SDC2: variants seen among roughly 807,000 people sequenced by gnomAD.
SDC2 encodes syndecan 2.
A neutral mutation model predicts 22.2 loss-of-function variants in SDC2; 13 were observed. That is an observed-to-expected ratio of 0.59 (90% CI 0.38 to 0.93). The LOEUF (loss-of-function observed/expected upper bound fraction) is 0.93. SDC2 is among the 40% of genes least tolerant of loss of function. The probability of loss-of-function intolerance (pLI) is 0.00; values close to 1 mark genes in which losing one functional copy is unlikely to be tolerated. For synonymous variants in SDC2, 94 were observed against 92.8 expected (o/e 1.01, Z -0.07); for missense variants, 235 against 246.8 (o/e 0.95, Z 0.32).
intron 3 of SDC2, 146 bp downstream of exon 3, chr8:96,602,674 G>C: frequency 1.2e-6 from 1 of 811,712 alleles, no homozygotes; most frequent in Non-Finnish European, 1.8e-6. Flanking sequence ...TCTTTTAAAA[G>C]ACCCCACTTA....
intron 1 of SDC2, among the ~76,000 whole-genome samples, chr8:96,541,976 G>GTGA (rs1235694749): frequency 6.6e-6 from 1 of 152,184 alleles, no homozygotes; most frequent in Non-Finnish European, 1.5e-5. Context: ...TGAGTTAGAG[G>GTGA]TGAGCATGTG....
chr8:96,556,047 CACACACACAT>C (rs1378030953), intron 1 of SDC2, among the ~76,000 whole-genome samples: 1 of 142,894 alleles, frequency 7.0e-6, no homozygotes, highest in Non-Finnish European at 1.5e-5. Context: ...CACACACACA[CACACACACAT>C]ACACACACAC....
intron 1 of SDC2, among the ~76,000 whole-genome samples, chr8:96,572,316 G>A (rs1006884154): frequency 2.0e-5 from 3 of 152,084 alleles, no homozygotes; most frequent in Admixed American, 2.0e-4. Context: ...AGTTTTTTTG[G>A]GCTTTGAAAC....
At chr8:96,530,030 G>C (rs927636646) in intron 1 of SDC2, among the ~76,000 whole-genome samples, 2 of 152,134 alleles carry the variant, frequency 1.3e-5, no homozygotes, top group African/African-American at 4.8e-5. Context: ...TGGCAGGGGC[G>C]GGGGGAAGTA....
intron 1 of SDC2, among the ~76,000 whole-genome samples, chr8:96,501,295 C>CTTTTTTTTTTT (rs35998270): frequency 1.8e-5 from 1 of 55,160 alleles, no homozygotes; most frequent in Non-Finnish European, 3.5e-5. Flanking sequence ...ATACGTATTT[C>CTTTTTTTTTTT]TTTTTTTTTT....
intron 1 of SDC2, among the ~76,000 whole-genome samples, chr8:96,583,944 C>T (rs1814638828): frequency 6.6e-6 from 1 of 152,050 alleles, no homozygotes; most frequent in Non-Finnish European, 1.5e-5. Context: ...GTCTTTAATG[C>T]AGTAGTAAAC....
At chr8:96,606,936 G>A (rs1815090509) in intron 3 of SDC2, among the ~76,000 whole-genome samples, 2 of 152,190 alleles carry the variant, frequency 1.3e-5, no homozygotes, top group Admixed American at 6.5e-5. Flanking sequence ...AGTAGCGGTG[G>A]CCTGTTAGGA....
intron 1 of SDC2, among the ~76,000 whole-genome samples, chr8:96,574,746 A>T (rs1042746896): frequency 6.6e-6 from 1 of 152,166 alleles, no homozygotes; most frequent in Non-Finnish European, 1.5e-5. Context: ...AATGCCTCCT[A>T]TCTTTATTTT....
chr8:96,541,102 G>A (rs1294249702), intron 1 of SDC2, among the ~76,000 whole-genome samples: 1 of 152,084 alleles, frequency 6.6e-6, no homozygotes, highest in East Asian at 1.9e-4. Flanking sequence ...ATGGATATGT[G>A]TATACATACA....
intron 4 of SDC2, among the ~76,000 whole-genome samples, chr8:96,609,135 A>G (rs1247379033): frequency 3.9e-5 from 6 of 152,224 alleles, no homozygotes; most frequent in Non-Finnish European, 8.8e-5. Context: ...AGTTAAGATC[A>G]AGGCCAGATT....
chr8:96,512,361 G>A (rs1321105085), intron 1 of SDC2, among the ~76,000 whole-genome samples: 1 of 152,188 alleles, frequency 6.6e-6, no homozygotes, highest in African/African-American at 2.4e-5. Flanking sequence ...TGTCCTGTCA[G>A]CAGTTTCAGT....
chr8:96,555,081 G>A (rs975851910), intron 1 of SDC2, among the ~76,000 whole-genome samples: 1 of 151,806 alleles, frequency 6.6e-6, no homozygotes, highest in Non-Finnish European at 1.5e-5. Context: ...CCCTCTGCTT[G>A]GAACTCTTTT....
chr8:96,546,433 CA>C (rs1268017868), intron 1 of SDC2, among the ~76,000 whole-genome samples: 1 of 152,124 alleles, frequency 6.6e-6, no homozygotes, highest in African/African-American at 2.4e-5. Flanking sequence ...AAACCCAGAA[CA>C]AATTCCTATT....
intron 1 of SDC2, among the ~76,000 whole-genome samples, chr8:96,568,400 C>T (rs943504138): frequency 6.6e-6 from 1 of 152,178 alleles, no homozygotes; most frequent in Non-Finnish European, 1.5e-5. Context: ...TCAGACATAC[C>T]AATCGACTGT....
At chr8:96,543,938 A>G (rs73273586) in intron 1 of SDC2, among the ~76,000 whole-genome samples, 202 of 152,298 alleles carry the variant, frequency 1.3e-3, no homozygotes, top group African/African-American at 4.5e-3. Flanking sequence ...TCAGCAAACA[A>G]TTTTACAGGA....
intron 1 of SDC2, among the ~76,000 whole-genome samples, chr8:96,550,904 A>G (rs550438978): frequency 1.7e-4 from 26 of 152,144 alleles, no homozygotes; most frequent in South Asian, 6.2e-4. Context: ...ATTTTTTTCT[A>G]GGTCTAATAG....
At chr8:96,516,580 C>T (rs1471367574) in intron 1 of SDC2, among the ~76,000 whole-genome samples, 1 of 152,046 alleles carries the variant, frequency 6.6e-6, no homozygotes, top group East Asian at 1.9e-4. Flanking sequence ...TTTGCAGTCA[C>T]TTTTCATTCC....
At chr8:96,499,698 C>T (rs1381602921) in intron 1 of SDC2, among the ~76,000 whole-genome samples, 1 of 151,414 alleles carries the variant, frequency 6.6e-6, no homozygotes. Context: ...ATGAAGGGAG[C>T]ATATGAATGG....
rs370787434 is a variant in SDC2, at chr8:96,531,259, AAT to A, written c.60+36932_60+36933del. Among the ~76,000 whole-genome samples the A allele has an allele frequency of 1.6e-3, 250 of 152,368 alleles. 4 individuals are homozygous for A. The highest frequency in any genetic ancestry group is 5.7e-3 in the African/African-American group (239 of 41,592). Reference sequence around the variant, plus strand: ...TTGAGCATTTCAGAAACTGGAGTTTAATATAACTTCTCTTTTACATTGCATGC... The same window carrying A: ...TTGAGCATTTCAGAAACTGGAGTTTAATAACTTCTCTTTTACATTGCATGC... On this transcript the variant is annotated intron_variant, in intron 1 of 4. Transcript: ENST00000302190.
Sources: allele counts gnomAD v4.1 joint callset (sites outside exome capture counted in the v4.1 genomes callset), GRCh38; gene constraint gnomAD v4.1.1; transcripts MANE v1.5; gene names NCBI Gene and HGNC (gene_info 2026-07-23, HGNC 2026-07-21).